DNAJC15: variants seen among roughly 807,000 people sequenced by gnomAD.
DNAJC15 encodes the protein dnaJ homolog subfamily C member 15.
DNAJC15 carries 27 observed loss-of-function variants against 22.4 expected under a neutral mutation model. The observed-to-expected ratio is 1.20, with a 90% CI of 0.89 to 1.66. DNAJC15 has a LOEUF of 1.66. Among genes scored for constraint, DNAJC15 ranks in the 40% most tolerant of loss-of-function variants. DNAJC15 has a pLI of 0.00. For missense variants in DNAJC15, 208 were observed against 187.1 expected (o/e 1.11, Z -0.65); for synonymous variants, 79 against 63.2 (o/e 1.25, Z -1.19).
Position 43,023,644 on chromosome 13 carries a change from C to CA in DNAJC15, c.19dup (p.Ile7AsnfsTer12). 1 of 1,611,926 alleles carries CA rather than the reference C, an allele frequency of 6.2e-7. No homozygotes were observed. Among genetic ancestry groups the CA allele is most frequent in the Non-Finnish European group, 8.5e-7 (1 of 1,179,190 alleles). ...GCCTTGCCATGGCTGCCCGTGGTGT[C>CA]ATCGCTCCAGTTGGCGAGAGTTTGC... On this transcript the variant is annotated frameshift_variant, in exon 1 of 6. Coordinates refer to ENST00000379221, the MANE Select transcript of DNAJC15 (RefSeq NM_013238.3). LOFTEE classifies it high-confidence loss of function.
At chr13:43,075,479 A>G (rs532092780) in intron 3 of DNAJC15, among the ~76,000 whole-genome samples, 1 of 152,326 alleles carries the variant, frequency 6.6e-6, no homozygotes, top group South Asian at 2.1e-4. Flanking sequence ...TTTTTTCCTG[A>G]ATAAAGAATT....
chr13:43,034,664 T>C (rs1300062192), intron 1 of DNAJC15, among the ~76,000 whole-genome samples: 1 of 152,204 alleles, frequency 6.6e-6, no homozygotes, highest in East Asian at 1.9e-4. Flanking sequence ...TAGTTTGGTT[T>C]CATGGATAGT....
At chr13:43,073,166 T>C (rs1258122424) in intron 3 of DNAJC15, among the ~76,000 whole-genome samples, 1 of 152,242 alleles carries the variant, frequency 6.6e-6, no homozygotes, top group East Asian at 1.9e-4. Context: ...TGACTTTTCT[T>C]CAGCAGTTTG....
rs2040807750 is a variant in DNAJC15, at chr13:43,108,235, T to G, written c.*987T>G. ...AAATATTCCGATACCATATGATTGG[T>G]GAGGTAAGTGTTATTCTGAGATGAG... On this transcript the variant is annotated 3_prime_UTR_variant, in exon 6 of 6. Coordinates refer to ENST00000379221, the MANE Select transcript of DNAJC15 (RefSeq NM_013238.3). The G allele has an allele frequency of 6.6e-6, 1 of 152,110 alleles. No homozygotes were observed. The allele number at this position is 152,110 out of a possible 1,614,324, so 9.4% of individuals were successfully genotyped here.
At chr13:43,078,442 T>A (rs1314410786) in intron 3 of DNAJC15, among the ~76,000 whole-genome samples, 170 bp from the exon 4 acceptor site, 1 of 152,206 alleles carries the variant, frequency 6.6e-6, no homozygotes, top group African/African-American at 2.4e-5. Flanking sequence ...GACTTCATAT[T>A]GGTCAAAATT....
chr13:43,078,853 A>G (rs1017449454), intron 4 of DNAJC15, 165 bp downstream of exon 4: 4 of 489,740 alleles, frequency 8.2e-6, no homozygotes, highest in African/African-American at 7.9e-5. Context: ...AAAGTATCCC[A>G]CTCCCCTAAA....
chr13:43,065,750 A>G lies in DNAJC15; in HGVS notation c.160+13A>G. 2 of 1,611,394 alleles carry G rather than the reference A, an allele frequency of 1.2e-6. No homozygotes were observed. Among genetic ancestry groups the G allele is most frequent in the Middle Eastern group, 3.3e-4 (2 of 6,040 alleles). On this transcript the variant is annotated intron_variant, in intron 2 of 5. Transcript: ENST00000379221. ...CTTGCATTTGCAGGTAAGATAAAGAATACATACCAATAAATTGCAGGAGAA... is the reference window on the plus strand; with the variant it reads ...CTTGCATTTGCAGGTAAGATAAAGAGTACATACCAATAAATTGCAGGAGAA...
At chr13:43,084,903 A>C (rs1479634374) in intron 4 of DNAJC15, among the ~76,000 whole-genome samples, 1 of 152,228 alleles carries the variant, frequency 6.6e-6, no homozygotes, top group Non-Finnish European at 1.5e-5. Flanking sequence ...GATAACTATA[A>C]TGAAGCACTT....
At chr13:43,100,651 C>T (rs1030594550) in intron 5 of DNAJC15, among the ~76,000 whole-genome samples, 23 of 152,074 alleles carry the variant, frequency 1.5e-4, no homozygotes, top group African/African-American at 5.3e-4. Flanking sequence ...TATTTCTGTC[C>T]TTTTCAACTT....
intron 5 of DNAJC15, among the ~76,000 whole-genome samples, chr13:43,101,975 A>G (rs968999770): frequency 2.0e-5 from 3 of 152,154 alleles, no homozygotes; most frequent in Non-Finnish European, 4.4e-5. Flanking sequence ...ATCAAATGGC[A>G]GGTCTTTTAG....
intron 1 of DNAJC15, 38 bp from the exon 2 acceptor site, chr13:43,065,648 T>C (rs753220665): frequency 2.6e-5 from 40 of 1,528,208 alleles, no homozygotes; most frequent in Non-Finnish European, 3.6e-5. Flanking sequence ...AAACCCAGCA[T>C]GTTACATCAT....
At chr13:43,066,635 CTTTT>C (rs941748269) in intron 2 of DNAJC15, among the ~76,000 whole-genome samples, 1 of 152,008 alleles carries the variant, frequency 6.6e-6, no homozygotes, top group African/African-American at 2.4e-5. Context: ...GCTAGTTTTT[CTTTT>C]TTTTGAGACG....
chr13:43,072,779 G>A (rs573375910), intron 3 of DNAJC15, among the ~76,000 whole-genome samples: 1 of 152,078 alleles, frequency 6.6e-6, no homozygotes, highest in Admixed American at 6.6e-5. Context: ...GGCCAGGCTG[G>A]TCTTGAGCTT....
intron 1 of DNAJC15, among the ~76,000 whole-genome samples, chr13:43,036,986 G>A (rs2040431776): frequency 6.6e-6 from 1 of 152,162 alleles, no homozygotes; most frequent in Non-Finnish European, 1.5e-5. Flanking sequence ...CCCTGAGAGT[G>A]CGGTTGGGCG....
intron 1 of DNAJC15, among the ~76,000 whole-genome samples, chr13:43,034,100 T>C (rs1013074100): frequency 1.3e-5 from 2 of 151,568 alleles, no homozygotes; most frequent in Admixed American, 1.3e-4. Flanking sequence ...TATAAACATG[T>C]TTGTTGCAAT....
intron 5 of DNAJC15, among the ~76,000 whole-genome samples, chr13:43,093,811 A>C (rs567713750): frequency 6.6e-6 from 1 of 152,196 alleles, no homozygotes; most frequent in Non-Finnish European, 1.5e-5. Context: ...TTATAAAAAT[A>C]TATCTTTTCC....
At chr13:43,028,276 C>G (rs2040389412) in intron 1 of DNAJC15, among the ~76,000 whole-genome samples, 1 of 152,074 alleles carries the variant, frequency 6.6e-6, no homozygotes, top group South Asian at 2.1e-4. Context: ...GCTGATTCTC[C>G]TCTTCTTTCC....
intron 1 of DNAJC15, among the ~76,000 whole-genome samples, chr13:43,051,645 GTGTGTGTGTGTGTGTGTA>G (rs1448841857): frequency 7.1e-5 from 9 of 127,574 alleles, no homozygotes; most frequent in African/African-American, 2.7e-4. Flanking sequence ...GTGTGTGTGT[GTGTGTGTGTGTGTGTGTA>G]TATATATCAC....
chr13:43,080,274 C>A (rs978295345), intron 4 of DNAJC15, among the ~76,000 whole-genome samples: 1 of 152,068 alleles, frequency 6.6e-6, no homozygotes, highest in Non-Finnish European at 1.5e-5. Context: ...TCCCCTCTTA[C>A]TATTTAGCTC....
Sources: allele counts gnomAD v4.1 joint callset (sites outside exome capture counted in the v4.1 genomes callset), GRCh38; gene constraint gnomAD v4.1.1; transcripts MANE v1.5; gene names NCBI Gene and HGNC (gene_info 2026-07-23, HGNC 2026-07-21).